Variants in PCSK6 observed in about 807,000 individuals in gnomAD.
PCSK6 encodes paired basic amino acid cleaving enzyme 4.
Under a neutral mutation model 123.3 loss-of-function variants are expected in PCSK6, and 85 were observed. That is an observed-to-expected ratio of 0.69 (90% CI 0.58 to 0.83). The LOEUF is 0.83. Ranked by LOEUF, PCSK6 falls within the 40% of genes least tolerant of loss-of-function variation. PCSK6 has a pLI of 0.00. For missense variants in PCSK6, 1,191 were observed against 1,282.3 expected (o/e 0.93, Z 1.09); for synonymous variants, 508 against 516.0 (o/e 0.98, Z 0.21).
chr15:101,337,741 G>T (rs1186252286), intron 13 of PCSK6, among the ~76,000 whole-genome samples: 1 of 152,206 alleles, frequency 6.6e-6, no homozygotes, highest in Non-Finnish European at 1.5e-5. Context: ...CTTGTTTGGT[G>T]CATTAGCTTC....
intron 13 of PCSK6, among the ~76,000 whole-genome samples, chr15:101,359,718 C>T (rs1185654792): frequency 6.6e-6 from 1 of 152,216 alleles, no homozygotes; most frequent in African/African-American, 2.4e-5. Flanking sequence ...GCAGGGCATG[C>T]GGTTCCGTGC....
intron 6 of PCSK6, among the ~76,000 whole-genome samples, chr15:101,404,925 G>A (rs1567196760): frequency 6.6e-6 from 1 of 152,102 alleles, no homozygotes; most frequent in Non-Finnish European, 1.5e-5. Flanking sequence ...AAGAAGAACG[G>A]GATGCCAGAA....
chr15:101,416,843 C>T (rs1241001210), intron 6 of PCSK6, among the ~76,000 whole-genome samples: 1 of 152,238 alleles, frequency 6.6e-6, no homozygotes, highest in Non-Finnish European at 1.5e-5. Flanking sequence ...GGTTTGGGAA[C>T]CTCCACCTAG....
chr15:101,485,442 CTCT>C (rs2057998335), intron 1 of PCSK6, among the ~76,000 whole-genome samples: 1 of 152,134 alleles, frequency 6.6e-6, no homozygotes, highest in Non-Finnish European at 1.5e-5. Context: ...ATGTATCAGT[CTCT>C]TCATTTTGAA....
At chr15:101,407,021 G>A (rs1233313002) in intron 6 of PCSK6, among the ~76,000 whole-genome samples, 1 of 152,152 alleles carries the variant, frequency 6.6e-6, no homozygotes, top group Non-Finnish European at 1.5e-5. Context: ...CCACAGCTGT[G>A]TCACGGACAC....
rs58979969 is a variant in PCSK6 at position 101,370,637 on chromosome 15, C to G, written c.1533-114G>C. The G allele has an allele frequency of 0.011, 10,985 of 983,390 alleles. 609 individuals carry two copies. In the East Asian group the frequency reaches 0.16, roughly 15 times the overall value. 60.9% of individuals were successfully genotyped at this position (983,390 alleles called of 1,614,324 possible). A position where few individuals can be genotyped will look rare whatever the true frequency, so the allele number is the denominator to read the frequency against. On this transcript the variant is annotated intron_variant, in intron 11 of 21. Transcript: ENST00000611716. ...TCCCCACTGCAGCCTCAGGGCCCTGCGGGCCCCGGGGAGCCGCAGCAGCCT... is the reference window on the plus strand; with the variant it reads ...TCCCCACTGCAGCCTCAGGGCCCTGGGGGCCCCGGGGAGCCGCAGCAGCCT...
chr15:101,366,737 C>T (rs377344076), intron 12 of PCSK6, among the ~76,000 whole-genome samples: 2 of 152,180 alleles, frequency 1.3e-5, no homozygotes, highest in Admixed American at 6.5e-5. Context: ...CCCGGATGCA[C>T]GAAAGCAGAC....
intron 15 of PCSK6, among the ~76,000 whole-genome samples, chr15:101,330,879 G>A (rs2040358159): frequency 6.6e-6 from 1 of 152,220 alleles, no homozygotes; most frequent in Non-Finnish European, 1.5e-5. Flanking sequence ...ATTTAAAATG[G>A]AATTGACCGT....
intron 6 of PCSK6, among the ~76,000 whole-genome samples, chr15:101,422,914 C>T (rs996395016): frequency 6.6e-6 from 1 of 152,188 alleles, no homozygotes; most frequent in African/African-American, 2.4e-5. Context: ...AGCCACCGCG[C>T]CTGGCCAAGA....
chr15:101,390,799 C>T (rs143078031), intron 8 of PCSK6, among the ~76,000 whole-genome samples: 126 of 152,314 alleles, frequency 8.3e-4, no homozygotes, highest in Admixed American at 1.8e-3. Context: ...AGCAGAGACT[C>T]GGCTGAGGCT....
chr15:101,484,920 A>G lies in PCSK6; in HGVS notation c.297+4454T>C, dbSNP rs192040112. 2.4e-3 allele frequency among the ~76,000 whole-genome samples: 360 copies of G among 152,282 alleles called. 3 individuals carry two copies. Among genetic ancestry groups the G allele is most frequent in the African/African-American group, 8.5e-3 (353 of 41,550 alleles). ...TTCATTTAAAAAAACGCCTGCATGGACATTCTTATACAAGTCTCTTTGTGC... is the reference window on the plus strand; with the variant it reads ...TTCATTTAAAAAAACGCCTGCATGGGCATTCTTATACAAGTCTCTTTGTGC... On this transcript the variant is annotated intron_variant, in intron 1 of 21. Transcript: ENST00000611716.
At chr15:101,414,968 C>T (rs933981208) in intron 6 of PCSK6, among the ~76,000 whole-genome samples, 1 of 152,072 alleles carries the variant, frequency 6.6e-6, no homozygotes, top group Non-Finnish European at 1.5e-5. Context: ...AAAATAAATT[C>T]GCAAGTGTGC....
chr15:101,336,456 C>T lies in PCSK6; in HGVS notation c.1859-4425G>A, dbSNP rs140302720. ...GTCACATGTCACACGTCAAAAGGAA[C>T]GGGCTCCCTTGCAGCCTGCAGCTAT... On this transcript the variant is annotated intron_variant, in intron 13 of 21. Transcript: ENST00000611716. Among the ~76,000 whole-genome samples, 180 of 152,324 alleles carry T rather than the reference C, an allele frequency of 1.2e-3. 3 individuals are homozygous for T. The highest frequency in any genetic ancestry group is 3.9e-3 in the African/African-American group (161 of 41,560).
intron 15 of PCSK6, among the ~76,000 whole-genome samples, chr15:101,329,065 C>T (rs1265173727): frequency 1.3e-5 from 2 of 152,212 alleles, no homozygotes; most frequent in African/African-American, 4.8e-5. Flanking sequence ...CTTCTTGTGT[C>T]ACTTCCCGTA....
intron 2 of PCSK6, among the ~76,000 whole-genome samples, chr15:101,439,230 C>T (rs2056690374): frequency 6.6e-6 from 1 of 152,242 alleles, no homozygotes; most frequent in Non-Finnish European, 1.5e-5. Flanking sequence ...CGGATGAGCG[C>T]TTCCCTCTGA....
intron 20 of PCSK6, among the ~76,000 whole-genome samples, chr15:101,310,714 T>C (rs4965825): frequency 0.44 from 67,223 of 151,922 alleles, 17,879 homozygotes; most frequent in African/African-American, 0.76. Context: ...TGCAAGGGCT[T>C]GGTGGTCCCT....
rs192493319 is a variant in PCSK6, at chr15:101,306,562, C to T, written c.2812+651G>A. ...CTGGGCCAGAGCCCCCTTCCCTGCC[C>T]GTGTGTCTACAATGACTCCTGCACT... On this transcript the variant is annotated intron_variant, in intron 21 of 21. Coordinates refer to ENST00000611716, the MANE Select transcript of PCSK6 (RefSeq NM_002570.5). Among the ~76,000 whole-genome samples the T allele has an allele frequency of 3.3e-3, 509 of 152,314 alleles. 1 individual carries two copies. Among genetic ancestry groups the T allele is most frequent in the Middle Eastern group, 0.024 (7 of 294 alleles).
intron 2 of PCSK6, among the ~76,000 whole-genome samples, chr15:101,436,719 G>C (rs940105613): frequency 9.2e-5 from 14 of 152,198 alleles, no homozygotes; most frequent in Non-Finnish European, 1.9e-4. Flanking sequence ...GCTGGGACCG[G>C]TCCCTCTCTC....
chr15:101,454,980 G>GAATAAATAAATAAATAAATAAATAAATA (rs869105490), intron 1 of PCSK6, among the ~76,000 whole-genome samples: 79 of 97,924 alleles, frequency 8.1e-4, no homozygotes, highest in African/African-American at 2.3e-3. Flanking sequence ...ATGAATGAAT[G>GAATAAATAAATAAATAAATAAATAAATA]AATAAATAAA....
Sources: allele counts gnomAD v4.1 joint callset (sites outside exome capture counted in the v4.1 genomes callset), GRCh38; gene constraint gnomAD v4.1.1; transcripts MANE v1.5; gene names NCBI Gene and HGNC (gene_info 2026-07-23, HGNC 2026-07-21).